Variants in PRUNE2 observed in about 807,000 individuals in gnomAD.
The protein encoded by PRUNE2 is protein prune homolog 2.
In PRUNE2, 164 loss-of-function variants were observed where a neutral mutation model predicts 252.0. That is an observed-to-expected ratio of 0.65 (90% CI 0.57 to 0.74). PRUNE2 has a LOEUF of 0.74. Ranked by LOEUF, PRUNE2 falls within the 30% of genes least tolerant of loss-of-function variation. PRUNE2 has a pLI of 0.00. For missense variants in PRUNE2, 3,495 were observed against 3,711.0 expected (o/e 0.94, Z 1.51); for synonymous variants, 1,292 against 1,350.2 (o/e 0.96, Z 0.94).
intron 4 of PRUNE2, among the ~76,000 whole-genome samples, chr9:76,841,488 G>A (rs1001259585): frequency 1.3e-5 from 2 of 152,192 alleles, no homozygotes; most frequent in Non-Finnish European, 2.9e-5. Flanking sequence ...CCCCTGGAAA[G>A]GGGGCTGAAG....
At position 76,615,105 on chromosome 9, in the gene PRUNE2, G is replaced by A. The variant is rs1013085409; in HGVS notation, c.9237-505C>T. On this transcript the variant is annotated intron_variant, in intron 18 of 18. Coordinates refer to ENST00000376718, the MANE Select transcript of PRUNE2 (RefSeq NM_015225.3). ...GAAAGGGGTTAGCCTACCTTACTGAGATGGATGTTTATAACTAAAGAAAAG... is the reference window on the plus strand; with the variant it reads ...GAAAGGGGTTAGCCTACCTTACTGAAATGGATGTTTATAACTAAAGAAAAG... 23 of 986,054 alleles carry A rather than the reference G, an allele frequency of 2.3e-5. No individual in the cohort carries two copies. The African/African-American group carries it at 3.7e-4, about 16-fold the overall frequency. The allele number at this position is 986,054 out of a possible 1,614,324, so 61.1% of individuals were successfully genotyped here.
chr9:76,699,196 T>C (rs998841620), intron 9 of PRUNE2, among the ~76,000 whole-genome samples: 1 of 152,146 alleles, frequency 6.6e-6, no homozygotes, highest in Non-Finnish European at 1.5e-5. Flanking sequence ...AATATATCTA[T>C]ATATCGATTA....
In PRUNE2 at chr9:76,637,489, A is replaced by T; in HGVS notation, c.8892T>A (p.Asn2964Lys). ...GCATCCTCCTTCTTGGGGTTGCACC[A>T]TTCAAGTACACAATCATATAGTCTT... ...VAEDYMIVYLNGATPRRRMPG... is the reference protein window; with the variant it reads ...VAEDYMIVYLKGATPRRRMPG... The change falls in exon 14 of 19, where the codon AAT (asparagine) becomes AAA (lysine). Residue 2964 changes from asparagine to lysine, a missense_variant. By Grantham distance (94) the Asn-to-Lys change is moderately conservative. Coordinates refer to ENST00000376718, the MANE Select transcript of PRUNE2 (RefSeq NM_015225.3). The T allele has an allele frequency of 6.2e-7, 1 of 1,613,496 alleles. No homozygotes were observed. Among genetic ancestry groups the T allele is most frequent in the Non-Finnish European group, 8.5e-7 (1 of 1,179,552 alleles).
At chr9:76,867,105 T>C (rs1353978225) in intron 1 of PRUNE2, among the ~76,000 whole-genome samples, 1 of 152,084 alleles carries the variant, frequency 6.6e-6, no homozygotes, top group Non-Finnish European at 1.5e-5. Context: ...AGGCTGAGAT[T>C]AGAGTAGCAA....
At chr9:76,876,728 CACACTAGTTTTAAAATAACCATTGG>C in intron 1 of PRUNE2, among the ~76,000 whole-genome samples, 1 of 152,262 alleles carries the variant, frequency 6.6e-6, no homozygotes, top group East Asian at 1.9e-4. Flanking sequence ...AGCTACTTCC[CACACTAGTTTTAAAATAACCATTGG>C]ATCTTGGAAG....
chr9:76,756,481 C>T lies in PRUNE2; in HGVS notation c.757-42760G>A, dbSNP rs142211512. Among the ~76,000 whole-genome samples, 304 of 152,328 alleles carry T rather than the reference C, an allele frequency of 2.0e-3. 2 individuals are homozygous for T. The highest frequency in any genetic ancestry group is 6.5e-3 in the African/African-American group (272 of 41,568). On this transcript the variant is annotated intron_variant, in intron 6 of 18. Coordinates refer to ENST00000376718, the MANE Select transcript of PRUNE2 (RefSeq NM_015225.3). ...ATTCTTTCCAGAGTTGCATGGCTGTCGCAACTAGGAACCAGGCGCTGGCTT... is the reference window on the plus strand; with the variant it reads ...ATTCTTTCCAGAGTTGCATGGCTGTTGCAACTAGGAACCAGGCGCTGGCTT...
Position 76,713,744 on chromosome 9 carries a change from G to C in PRUNE2, c.757-23C>G, listed in dbSNP as rs750971885. The C allele has an allele frequency of 1.6e-5, 25 of 1,565,684 alleles. No individual in the cohort carries two copies. In the Admixed American group the frequency reaches 3.3e-4, roughly 21 times the overall value. ...ATTCTGAAACGACAACAGGAAATTT[G>C]ATATTAATGTCAAACTGCCCAGCTG... On this transcript the variant is annotated intron_variant, in intron 6 of 18. Coordinates refer to ENST00000376718, the MANE Select transcript of PRUNE2 (RefSeq NM_015225.3).
At chr9:76,886,885 T>C (rs2062134469) in intron 1 of PRUNE2, among the ~76,000 whole-genome samples, 1 of 152,192 alleles carries the variant, frequency 6.6e-6, no homozygotes, top group East Asian at 1.9e-4. Flanking sequence ...AAACTGGTGG[T>C]TTGGGGATTC....
At chr9:76,795,572 A>C (rs769250650) in intron 6 of PRUNE2, among the ~76,000 whole-genome samples, 2 of 152,190 alleles carry the variant, frequency 1.3e-5, no homozygotes, top group Non-Finnish European at 2.9e-5. Context: ...TTCTCCCAAA[A>C]GTGATGTGAT....
Position 76,708,815 on chromosome 9 carries a change from T to C in PRUNE2, c.3459A>G (p.Thr1153=). 1 of 1,613,966 alleles carries C rather than the reference T, an allele frequency of 6.2e-7. No homozygotes were observed. Among genetic ancestry groups the C allele is most frequent in the Non-Finnish European group, 8.5e-7 (1 of 1,179,888 alleles). ...GGAAIPSDGQ[T]EGYMAEGSEP... is the part of the protein sequence containing the mutation. Reference sequence around the variant, plus strand: ...CGGAACCTTCAGCCATGTATCCTTCTGTTTGACCATCACTGGGGATTGCCG... The same window carrying C: ...CGGAACCTTCAGCCATGTATCCTTCCGTTTGACCATCACTGGGGATTGCCG... Residue 1153 remains threonine (T), a synonymous_variant, in exon 8 of 19, where the codon ACA becomes ACG. Coordinates refer to ENST00000376718, the MANE Select transcript of PRUNE2 (RefSeq NM_015225.3).
chr9:76,706,598 C>A lies in PRUNE2; in HGVS notation c.5676G>T (p.Gln1892His). The change falls in exon 8 of 19, where the codon CAG becomes CAT. Residue 1892 changes from glutamine to histidine, a missense_variant. Transcript: ENST00000376718. The part of the protein sequence containing the change: ...HYTNPFSDNH[Q>H]SPFLEGNGKN... ...TCCCATTACCTTCCAGAAAGGGTGACTGATGGTTGTCACTAAAAGGATTAG... is the reference window on the plus strand; with the variant it reads ...TCCCATTACCTTCCAGAAAGGGTGAATGATGGTTGTCACTAAAAGGATTAG... 1.2e-6 allele frequency: 2 copies of A among 1,613,932 alleles called. No homozygotes were observed. The highest frequency in any genetic ancestry group is 8.5e-7 in the Non-Finnish European group (1 of 1,179,868).
chr9:76,893,929 C>T (rs976535901), intron 1 of PRUNE2, among the ~76,000 whole-genome samples: 2 of 152,146 alleles, frequency 1.3e-5, no homozygotes, highest in Non-Finnish European at 2.9e-5. Context: ...AATTGCTTTG[C>T]TTCATGGATG....
intron 6 of PRUNE2, among the ~76,000 whole-genome samples, chr9:76,762,689 G>C (rs2051861046): frequency 1.3e-5 from 2 of 152,132 alleles, no homozygotes; most frequent in African/African-American, 4.8e-5. Flanking sequence ...CCTAGCTCTT[G>C]TATGGAGGCG....
At chr9:76,687,827 GGGGC>G (rs547264725) in intron 9 of PRUNE2, among the ~76,000 whole-genome samples, 15,486 of 152,130 alleles carry the variant, frequency 0.1, 1,071 homozygotes, top group African/African-American at 0.2. Context: ...CAGCACAGGA[GGGGC>G]TAAAAGACAT....
At chr9:76,837,391 A>C (rs1018872986) in intron 4 of PRUNE2, among the ~76,000 whole-genome samples, 1 of 151,424 alleles carries the variant, frequency 6.6e-6, no homozygotes, top group Non-Finnish European at 1.5e-5. Flanking sequence ...GCAGTGAGCC[A>C]AGATTGTGCC....
chr9:76,844,107 T>A (rs1936284), intron 4 of PRUNE2, among the ~76,000 whole-genome samples: 35,027 of 152,026 alleles, frequency 0.23, 4,278 homozygotes, highest in African/African-American at 0.33. Flanking sequence ...AGTTTTTACC[T>A]CTGAACATTT....
chr9:76,795,550 G>A (rs80011477), intron 6 of PRUNE2, among the ~76,000 whole-genome samples: 6,532 of 148,476 alleles, frequency 0.044, 199 homozygotes, highest in Non-Finnish European at 0.068. Context: ...ATAGCCCCTG[G>A]GGGGGAGCAT....
At chr9:76,777,934 T>G (rs562887130) in intron 6 of PRUNE2, among the ~76,000 whole-genome samples, 10 of 152,240 alleles carry the variant, frequency 6.6e-5, no homozygotes, top group African/African-American at 2.4e-4. Context: ...AAAAGCATGC[T>G]TGCTGTGTTC....
intron 6 of PRUNE2, among the ~76,000 whole-genome samples, chr9:76,772,945 C>T (rs1387107155): frequency 2.0e-5 from 3 of 152,160 alleles, no homozygotes; most frequent in African/African-American, 4.8e-5. Context: ...GGAAGCCCAA[C>T]CAAGTCACTT....
Sources: gnomAD v4.1 joint callset for allele counts (sites outside exome capture counted in the v4.1 genomes callset) on GRCh38, gnomAD v4.1.1 for gene constraint, MANE v1.5 for transcripts, NCBI Gene and HGNC (gene_info 2026-07-23, HGNC 2026-07-21) for gene names.